The following PLEKHM3 variants were observed in gnomAD, a reference collection of about 807,000 sequenced individuals.
PLEKHM3 encodes pleckstrin homology domain containing M3.
Under a neutral mutation model 81.8 loss-of-function variants are expected in PLEKHM3, and 45 were observed. The ratio of observed to expected loss-of-function variants is 0.55; its 90% CI spans 0.43 to 0.71. PLEKHM3 has a LOEUF of 0.71. PLEKHM3 is among the 30% of genes least tolerant of loss of function. The probability of loss-of-function intolerance (pLI) is 0.00; values close to 1 mark genes in which losing one functional copy is unlikely to be tolerated. For synonymous variants in PLEKHM3, 352 were observed against 356.4 expected, an observed-to-expected ratio of 0.99 and a Z score of 0.14; for missense variants, 788 against 924.3, an observed-to-expected ratio of 0.85 and a Z score of 1.91.
At chr2:207,878,836 TTTTTTTTA>T (rs2092572082) in intron 6 of PLEKHM3, among the ~76,000 whole-genome samples, 2 of 151,708 alleles carry the variant, frequency 1.3e-5, no homozygotes, top group Admixed American at 1.3e-4. Context: ...TTTATTTTTA[TTTTTTTTA>T]TTTTTTTATT....
At chr2:207,927,527 A>AG (rs955427511) in intron 5 of PLEKHM3, among the ~76,000 whole-genome samples, 4 of 150,314 alleles carry the variant, frequency 2.7e-5, no homozygotes, top group Non-Finnish European at 4.4e-5. Context: ...AAAAAAAAAA[A>AG]AAAAAAAAAG....
At chr2:207,872,577 C>T (rs1281230103) in intron 6 of PLEKHM3, among the ~76,000 whole-genome samples, 1 of 152,176 alleles carries the variant, frequency 6.6e-6, no homozygotes, top group South Asian at 2.1e-4. Context: ...GTGGCTCATG[C>T]CTGTAATCCC....
At chr2:207,938,639 TGA>T (rs1689839445) in intron 4 of PLEKHM3, among the ~76,000 whole-genome samples, 1 of 152,228 alleles carries the variant, frequency 6.6e-6, no homozygotes. Context: ...TTAATGCCAA[TGA>T]GAGATGATCC....
intron 4 of PLEKHM3, among the ~76,000 whole-genome samples, chr2:207,941,401 TG>T (rs1226836254): frequency 6.6e-6 from 1 of 152,142 alleles, no homozygotes; most frequent in Non-Finnish European, 1.5e-5. Flanking sequence ...CAGTAAATGG[TG>T]CTGGGAAAAC....
At chr2:207,986,547 C>G (rs748642762) in intron 2 of PLEKHM3, among the ~76,000 whole-genome samples, 1 of 152,158 alleles carries the variant, frequency 6.6e-6, no homozygotes, top group Non-Finnish European at 1.5e-5. Flanking sequence ...TTATGGAGCA[C>G]CAACTACGTG....
At chr2:208,003,966 C>T (rs531830611) in intron 1 of PLEKHM3, among the ~76,000 whole-genome samples, 1 of 152,240 alleles carries the variant, frequency 6.6e-6, no homozygotes, top group East Asian at 1.9e-4. Flanking sequence ...ACTGATATTC[C>T]TTTTCTCATC....
intron 7 of PLEKHM3, among the ~76,000 whole-genome samples, chr2:207,858,926 A>G (rs1483154898): frequency 6.6e-6 from 1 of 152,164 alleles, no homozygotes; most frequent in East Asian, 1.9e-4. Flanking sequence ...CACCCCAAAA[A>G]GAAACCTATA....
At chr2:208,004,399 C>G (rs1393117388) in intron 1 of PLEKHM3, among the ~76,000 whole-genome samples, 1 of 144,222 alleles carries the variant, frequency 6.9e-6, no homozygotes, top group Non-Finnish European at 1.5e-5. Flanking sequence ...GCCTGGGCAA[C>G]AGAGCAATGC....
At chr2:207,955,372 C>T (rs1425307000) in intron 3 of PLEKHM3, among the ~76,000 whole-genome samples, 5 of 151,318 alleles carry the variant, frequency 3.3e-5, no homozygotes, top group Admixed American at 1.3e-4. Flanking sequence ...ATGTTCTTTC[C>T]CCAAAGTCTT....
chr2:207,998,698 AAAG>A (rs1480388049), intron 2 of PLEKHM3, among the ~76,000 whole-genome samples: 1 of 152,198 alleles, frequency 6.6e-6, no homozygotes, highest in East Asian at 1.9e-4. Flanking sequence ...TTGAGCACTC[AAAG>A]GAGTAGTTCA....
At chr2:208,024,559 G>C (rs532548878) in intron 1 of PLEKHM3, among the ~76,000 whole-genome samples, 6 of 152,264 alleles carry the variant, frequency 3.9e-5, no homozygotes, top group African/African-American at 1.2e-4. Context: ...AAGTCAGTCA[G>C]TCAAAAACTG....
At chr2:207,831,602 A>G (rs534211410) in intron 7 of PLEKHM3, among the ~76,000 whole-genome samples, 247 of 152,342 alleles carry the variant, frequency 1.6e-3, no homozygotes, top group Non-Finnish European at 3.0e-3. Flanking sequence ...AATGAGAAAT[A>G]TACTTTTAAG....
At chr2:208,019,472 C>T (rs1018860270) in intron 1 of PLEKHM3, among the ~76,000 whole-genome samples, 24 of 152,294 alleles carry the variant, frequency 1.6e-4, no homozygotes, top group African/African-American at 5.5e-4. Flanking sequence ...TTCAGCTGTC[C>T]AGTCCTTGAC....
chr2:207,845,229 C>T (rs993610439), intron 7 of PLEKHM3, among the ~76,000 whole-genome samples: 1 of 152,084 alleles, frequency 6.6e-6, no homozygotes, highest in Non-Finnish European at 1.5e-5. Flanking sequence ...ACTATCTGTA[C>T]TCCTATAATT....
In PLEKHM3 at chr2:207,880,089, C is replaced by T. The variant is rs193078739; in HGVS notation, c.1951-18827G>A. On this transcript the variant is annotated intron_variant, in intron 6 of 7. Transcript: ENST00000427836. ...ATTGTTTAACTAAAAAATTAGCCTG[C>T]TCCCAAATGGACAAAAGATATAATC... 2.9e-3 allele frequency among the ~76,000 whole-genome samples: 448 copies of T among 152,262 alleles called. 6 individuals carry two copies. Among genetic ancestry groups the T allele is most frequent in the South Asian group, 0.025 (120 of 4,832 alleles).
chr2:208,005,665 C>T (rs1196539644), intron 1 of PLEKHM3, among the ~76,000 whole-genome samples: 1 of 152,112 alleles, frequency 6.6e-6, no homozygotes, highest in Middle Eastern at 3.2e-3. Flanking sequence ...TAAGCATTTG[C>T]CATCTTCTAA....
At chr2:207,948,094 A>T (rs190967268) in intron 3 of PLEKHM3, among the ~76,000 whole-genome samples, 105 of 152,290 alleles carry the variant, frequency 6.9e-4, no homozygotes, top group Admixed American at 2.6e-3. Context: ...AAAAAAAATC[A>T]TAACAAGCTC....
In PLEKHM3 at chr2:207,982,578, C is replaced by CTT. The variant is rs34116964; in HGVS notation, c.611-4994_611-4993dup. The stretch of plus-strand genomic sequence containing the variant: ...AGCCACTGTGTCCAGCATTGATTTT[C>CTT]TTTTTTTTTTTTTTTTTGAGACGAA... On this transcript the variant is annotated intron_variant, in intron 2 of 7. Transcript: ENST00000427836. Among the ~76,000 whole-genome samples, 657 of 129,152 alleles carry CTT rather than the reference C, an allele frequency of 5.1e-3. 8 individuals are homozygous for CTT. Among genetic ancestry groups the CTT allele is most frequent in the African/African-American group, 0.018 (624 of 34,880 alleles). The allele number at this position is 129,152 out of a possible 152,430, so 84.7% of individuals were successfully genotyped here. A position where few individuals can be genotyped will look rare whatever the true frequency, so the allele number is the denominator to read the frequency against.
intron 6 of PLEKHM3, among the ~76,000 whole-genome samples, chr2:207,879,934 T>C (rs2092578236): frequency 6.6e-6 from 1 of 151,922 alleles, no homozygotes; most frequent in Non-Finnish European, 1.5e-5. Context: ...AAAGTGAATA[T>C]TAATGTACAA....
Sources: gnomAD v4.1 joint callset for allele counts (sites outside exome capture counted in the v4.1 genomes callset) on GRCh38, gnomAD v4.1.1 for gene constraint, MANE v1.5 for transcripts, NCBI Gene and HGNC (gene_info 2026-07-23, HGNC 2026-07-21) for gene names.